Variants in ZNF107 observed in about 807,000 individuals in gnomAD.
ZNF107 encodes the protein C2H2 type zinc-finger protein.
A neutral mutation model predicts 12.3 loss-of-function variants in ZNF107; 19 were observed. That is an observed-to-expected ratio of 1.55 (90% CI 1.08 to 2.27). The LOEUF (loss-of-function observed/expected upper bound fraction) is 2.27. ZNF107 is among the 30% of genes most tolerant of loss of function. ZNF107 has a pLI of 0.00. For synonymous variants in ZNF107, 317 were observed against 330.5 expected (o/e 0.96, Z 0.44); for missense variants, 958 against 979.9 (o/e 0.98, Z 0.30).
intron 1 of ZNF107, chr7:64,687,116 CT>C: frequency 2.0e-6 from 2 of 984,612 alleles, no homozygotes; most frequent in Non-Finnish European, 2.4e-6. Context: ...TTTTTTTTCC[CT>C]CTCAATATAA....
chr7:64,680,484 C>T (rs947403346), intron 1 of ZNF107, among the ~76,000 whole-genome samples: 2 of 152,180 alleles, frequency 1.3e-5, no homozygotes, highest in African/African-American at 4.8e-5. Context: ...GTGGAACTAT[C>T]AAACAGGATC....
intron 1 of ZNF107, among the ~76,000 whole-genome samples, chr7:64,669,625 C>T (rs1789146201): frequency 6.6e-6 from 1 of 151,808 alleles, no homozygotes; most frequent in South Asian, 2.1e-4. Flanking sequence ...GAAGCCCCGT[C>T]TCTACTGAAA....
At chr7:64,693,150 T>C (rs898370866) in intron 3 of ZNF107, among the ~76,000 whole-genome samples, 6 of 148,136 alleles carry the variant, frequency 4.1e-5, no homozygotes, top group Admixed American at 3.4e-4. Context: ...AGGCGCCCTC[T>C]ACCACACTCA....
intron 2 of ZNF107, 76 bp downstream of exon 2, chr7:64,691,450 G>T: frequency 8.0e-7 from 1 of 1,251,624 alleles, no homozygotes; most frequent in South Asian, 2.1e-5. Flanking sequence ...ACTGTTTTCT[G>T]GTAATTTATG....
At chr7:64,696,283 C>T (rs1019618849) in intron 3 of ZNF107, among the ~76,000 whole-genome samples, 3 of 152,024 alleles carry the variant, frequency 2.0e-5, no homozygotes, top group Non-Finnish European at 4.4e-5. Flanking sequence ...GAACTCCTGA[C>T]CTGATCCACC....
At chr7:64,691,499 A>G (rs1790117363) in intron 2 of ZNF107, 125 bp downstream of exon 2, 3 of 892,512 alleles carry the variant, frequency 3.4e-6, no homozygotes, top group African/African-American at 3.6e-5. Context: ...TTTTCAAGAA[A>G]ATCCTTGAGA....
At chr7:64,674,686 A>T (rs543548265) in intron 1 of ZNF107, among the ~76,000 whole-genome samples, 1 of 152,318 alleles carries the variant, frequency 6.6e-6, no homozygotes, top group Admixed American at 6.5e-5. Flanking sequence ...GCCAGTTTTC[A>T]TGGAGAAATG....
chr7:64,706,739 A>G lies in ZNF107; in HGVS notation c.642A>G (p.Ser214=). Residue 214 remains serine (S), a synonymous_variant, in exon 4 of 4, where the codon TCA becomes TCG. Transcript: ENST00000620827. ...EECGKAFNWF[S]TLTKHKRIHT... ...GTGGAAAAGCCTTTAACTGGTTCTC[A>G]ACTCTTACTAAACATAAGAGAATTC... 1 of 1,612,720 alleles carries G rather than the reference A, an allele frequency of 6.2e-7. No individual in the cohort carries two copies. Among genetic ancestry groups the G allele is most frequent in the Non-Finnish European group, 8.5e-7 (1 of 1,179,532 alleles).
Position 64,707,700 on chromosome 7 carries a change from A to G in ZNF107, c.1603A>G (p.Lys535Glu). ...ACATAAGAAAATTCATACTGGAGAG[A>G]AACCCTATAAATGTGAGGAATGTGG... ...TEHKKIHTGE[K>E]PYKCEECGKA... Residue 535 changes from lysine to glutamate, a missense_variant, in exon 4 of 4, where the codon AAA (lysine) becomes GAA (glutamate). Physicochemically the swap from Lys to Glu is moderately conservative, Grantham distance 56. Transcript: ENST00000620827. 1 of 1,613,018 alleles carries G rather than the reference A, an allele frequency of 6.2e-7. No homozygotes were observed. The highest frequency in any genetic ancestry group is 8.5e-7 in the Non-Finnish European group (1 of 1,179,676).
chr7:64,668,643 C>T (rs1246297382), intron 1 of ZNF107, among the ~76,000 whole-genome samples: 2 of 152,100 alleles, frequency 1.3e-5, no homozygotes, highest in Non-Finnish European at 2.9e-5. Flanking sequence ...AGGTGAGTTT[C>T]AGAGAAAAAT....
intron 3 of ZNF107, among the ~76,000 whole-genome samples, chr7:64,696,437 C>A (rs1790291814): frequency 1.3e-5 from 2 of 152,000 alleles, no homozygotes; most frequent in Admixed American, 1.3e-4. Flanking sequence ...ATTACTTGAG[C>A]CTGGGAGTTA....
At chr7:64,694,067 C>T (rs1002205017) in intron 3 of ZNF107, among the ~76,000 whole-genome samples, 3 of 152,196 alleles carry the variant, frequency 2.0e-5, no homozygotes, top group East Asian at 1.9e-4. Context: ...GGATTACAGG[C>T]GTGAGCCACC....
intron 1 of ZNF107, among the ~76,000 whole-genome samples, chr7:64,688,937 AAAC>A (rs1341210925): frequency 1.3e-5 from 2 of 152,052 alleles, no homozygotes; most frequent in Non-Finnish European, 2.9e-5. Flanking sequence ...AGTTTCTGAC[AAAC>A]AACTTTGTAT....
intron 1 of ZNF107, chr7:64,687,700 G>T: frequency 2.3e-6 from 1 of 435,578 alleles, no homozygotes; most frequent in African/African-American, 2.1e-5. Flanking sequence ...GACATGTGCT[G>T]TAAATTTTTC....
Position 64,706,957 on chromosome 7 carries a change from A to G in ZNF107, c.860A>G (p.Tyr287Cys), listed in dbSNP as rs1790673673. The G allele has an allele frequency of 1.2e-6, 2 of 1,613,086 alleles. No individual in the cohort carries two copies. The highest frequency in any genetic ancestry group is 1.7e-6 in the Non-Finnish European group (2 of 1,179,606). Residue 287 changes from tyrosine (Y) to cysteine (C), a missense_variant, in exon 4 of 4, where the codon TAT (tyrosine) becomes TGT (cysteine). Physicochemically the swap from Tyr to Cys is radical, Grantham distance 194. Coordinates refer to ENST00000620827, the MANE Select transcript of ZNF107 (RefSeq NM_001282359.2). ...IIHTGEKPYK[Y>C]EECGKVFSQS... ...CATACTGGAGAAAAACCTTACAAAT[A>G]TGAAGAATGTGGCAAAGTCTTTAGC...
chr7:64,704,339 A>G (rs1420639652), intron 3 of ZNF107, among the ~76,000 whole-genome samples: 1 of 151,996 alleles, frequency 6.6e-6, no homozygotes, highest in Non-Finnish European at 1.5e-5. Context: ...TCCGTTTCCC[A>G]GGTTCAAGTG....
chr7:64,685,321 A>C (rs754222391), intron 1 of ZNF107, among the ~76,000 whole-genome samples: 3 of 152,196 alleles, frequency 2.0e-5, no homozygotes, highest in African/African-American at 7.2e-5. Context: ...TCAAGCCCCA[A>C]CTGACTGTAT....
rs539762491 is a variant in ZNF107 at position 64,700,825 on chromosome 7, C to T, written c.227-5499C>T. Among the ~76,000 whole-genome samples the T allele has an allele frequency of 3.3e-5, 5 of 152,256 alleles. No individual in the cohort carries two copies. The East Asian group carries it at 9.7e-4, about 29-fold the overall frequency. On this transcript the variant is annotated intron_variant, in intron 3 of 3. Coordinates refer to ENST00000620827, the MANE Select transcript of ZNF107 (RefSeq NM_001282359.2). ...AAAGTGTTGGGATTACAGGCGTGAG[C>T]CACCATGCCTGGCCATTTTTTTCTT...
intron 3 of ZNF107, among the ~76,000 whole-genome samples, chr7:64,703,031 A>C (rs1048898296): frequency 6.6e-6 from 1 of 151,882 alleles, no homozygotes; most frequent in Admixed American, 6.6e-5. Flanking sequence ...TTCTTCTAAT[A>C]TTTCTTTCTT....
Sources: gnomAD v4.1 joint callset for allele counts (sites outside exome capture counted in the v4.1 genomes callset) on GRCh38, gnomAD v4.1.1 for gene constraint, MANE v1.5 for transcripts, NCBI Gene and HGNC (gene_info 2026-07-23, HGNC 2026-07-21) for gene names.